Variants in SCLT1 observed in about 807,000 individuals in gnomAD.
SCLT1 encodes sodium channel-associated protein 1.
A neutral mutation model predicts 112.8 loss-of-function variants in SCLT1; 78 were observed. That is an observed-to-expected ratio of 0.69 (90% CI 0.58 to 0.83). SCLT1 has a LOEUF of 0.83. SCLT1 is among the 40% of genes least tolerant of loss of function. The pLI, the probability that SCLT1 is intolerant of heterozygous loss-of-function variation, is 0.00. For missense variants in SCLT1, 747 were observed against 770.4 expected, an observed-to-expected ratio of 0.97 and a Z score of 0.36; for synonymous variants, 257 against 254.7, an observed-to-expected ratio of 1.01 and a Z score of -0.09.
intron 18 of SCLT1, among the ~76,000 whole-genome samples, chr4:128,902,589 G>A (rs765778025): frequency 2.0e-5 from 3 of 152,152 alleles, no homozygotes; most frequent in Non-Finnish European, 4.4e-5. Flanking sequence ...AATGGAGCCT[G>A]CAGGACTGGA....
At position 128,877,676 on chromosome 4, in the gene SCLT1, G is replaced by A. The variant is rs560547219; in HGVS notation, n.226-1040C>T. 5.3e-5 allele frequency among the ~76,000 whole-genome samples: 8 copies of A among 151,120 alleles called. No homozygotes were observed. In the South Asian group the frequency reaches 1.5e-3, roughly 28 times the overall value. ...AGCCTGGGTGACAGAGTGAGACTCG[G>A]TCTCAAAAAAAAAAAAAGTTCACAC... is the stretch of plus-strand genomic sequence containing the variant. On this transcript the variant is annotated intron_variant and non_coding_transcript_variant, in intron 3 of 7. Coordinates refer to the SCLT1 transcript ENST00000503565.
intron 2 of SCLT1, among the ~76,000 whole-genome samples, chr4:129,076,313 G>A (rs1031745969): frequency 5.3e-5 from 8 of 152,184 alleles, no homozygotes; most frequent in South Asian, 2.1e-4. Context: ...TTTAGACTAT[G>A]ATGTTTTTCC....
At chr4:128,944,252 A>C (rs1018707631) in intron 16 of SCLT1, among the ~76,000 whole-genome samples, 1 of 152,164 alleles carries the variant, frequency 6.6e-6, no homozygotes, top group Non-Finnish European at 1.5e-5. Flanking sequence ...GTTCCTAATA[A>C]AATGACATAT....
intron 17 of SCLT1, 88 bp downstream of exon 17, chr4:128,942,908 G>A: frequency 1.1e-6 from 1 of 885,940 alleles, no homozygotes; most frequent in Non-Finnish European, 1.7e-6. Context: ...AAAAAAGGGG[G>A]CCTTAAAGAT....
chr4:128,967,827 T>C (rs1461453075), intron 10 of SCLT1, among the ~76,000 whole-genome samples: 2 of 152,236 alleles, frequency 1.3e-5, no homozygotes, highest in South Asian at 2.1e-4. Context: ...TAGTTTCCTT[T>C]GGTATGCAGA....
Position 129,047,219 on chromosome 4 carries a change from A to G in SCLT1, c.103-3168T>C, listed in dbSNP as rs200529223. Among the ~76,000 whole-genome samples, 15 of 152,170 alleles carry G rather than the reference A, an allele frequency of 9.9e-5. No homozygotes were observed. In the East Asian group the frequency reaches 2.9e-3, roughly 29 times the overall value. On this transcript the variant is annotated intron_variant, in intron 2 of 20. Coordinates refer to ENST00000281142, the MANE Select transcript of SCLT1 (RefSeq NM_144643.4). ...TATAAGCTCATAACTTCTTCCCTCA[A>G]GTTTTGTTCTAAAAGCTTTACCTTA...
At chr4:129,063,456 T>G (rs533257058) in intron 2 of SCLT1, among the ~76,000 whole-genome samples, 1 of 152,234 alleles carries the variant, frequency 6.6e-6, no homozygotes, top group African/African-American at 2.4e-5. Context: ...GTTTTTTTTG[T>G]GGGGGTAGTG....
chr4:128,919,839 A>G (rs1735746444), intron 18 of SCLT1, among the ~76,000 whole-genome samples: 1 of 152,146 alleles, frequency 6.6e-6, no homozygotes, highest in South Asian at 2.1e-4. Flanking sequence ...ACCTTCCAAT[A>G]TTGAACTAGG....
intron 2 of SCLT1, among the ~76,000 whole-genome samples, chr4:129,055,834 AAAAC>A (rs1553999342): frequency 1.2e-4 from 15 of 126,650 alleles, no homozygotes; most frequent in East Asian, 6.8e-4. Context: ...AAAAAAAACA[AAAAC>A]AAACAAACAA....
Position 128,995,523 on chromosome 4 carries a change from G to A in SCLT1, c.615+2351C>T, listed in dbSNP as rs147167484. The stretch of plus-strand genomic sequence containing the variant: ...CATTTTTCCTTGACTTTGTGCTCAC[G>A]TCCGTACATTAGAGAAAGCAGGCAC... On this transcript the variant is annotated intron_variant, in intron 8 of 20. Transcript: ENST00000281142. 6.6e-5 allele frequency among the ~76,000 whole-genome samples: 10 copies of A among 152,046 alleles called. No individual in the cohort carries two copies. The East Asian group carries it at 7.8e-4, about 12-fold the overall frequency.
At chr4:128,906,594 C>A (rs1734713975) in intron 18 of SCLT1, among the ~76,000 whole-genome samples, 1 of 152,140 alleles carries the variant, frequency 6.6e-6, no homozygotes, top group Non-Finnish European at 1.5e-5. Flanking sequence ...TATAAAGATC[C>A]TTCACAGGAA....
In SCLT1 at chr4:129,001,443, A is replaced by C. The variant is rs185168664; in HGVS notation, c.427-1649T>G. 5.0e-3 allele frequency among the ~76,000 whole-genome samples: 755 copies of C among 152,254 alleles called. 6 individuals carry two copies. The highest frequency in any genetic ancestry group is 0.02 in the Middle Eastern group (6 of 294). Reference sequence around the variant, plus strand: ...AATGGTACAACTTACTATTTGGACAAACTACAATTTAACTGATTCCATATT... The same window carrying C: ...AATGGTACAACTTACTATTTGGACACACTACAATTTAACTGATTCCATATT... On this transcript the variant is annotated intron_variant, in intron 6 of 20. Coordinates refer to ENST00000281142, the MANE Select transcript of SCLT1 (RefSeq NM_144643.4).
intron 18 of SCLT1, among the ~76,000 whole-genome samples, chr4:128,911,369 A>G (rs1393453478): frequency 6.6e-6 from 1 of 152,220 alleles, no homozygotes; most frequent in Non-Finnish European, 1.5e-5. Context: ...CTAATAAGTT[A>G]ACTAGTAAAA....
At chr4:129,060,540 T>C (rs889596028) in intron 2 of SCLT1, among the ~76,000 whole-genome samples, 1 of 152,170 alleles carries the variant, frequency 6.6e-6, no homozygotes, top group African/African-American at 2.4e-5. Context: ...CGTGGTAATT[T>C]TGTTTACAGA....
intron 5 of SCLT1, among the ~76,000 whole-genome samples, chr4:129,035,379 G>A (rs1158862582): frequency 6.6e-6 from 1 of 152,056 alleles, no homozygotes; most frequent in Non-Finnish European, 1.5e-5. Context: ...CATCTCACTG[G>A]CTAAAACTAG....
At chr4:128,888,650 T>G (rs757872627) in intron 20 of SCLT1, 29 bp downstream of exon 20, 2 of 1,330,522 alleles carry the variant, frequency 1.5e-6, no homozygotes, top group Non-Finnish European at 1.1e-6. Context: ...GAACTGTTTA[T>G]TATCTAGGGA....
intron 2 of SCLT1, among the ~76,000 whole-genome samples, chr4:129,053,760 G>A (rs1260096051): frequency 6.6e-6 from 1 of 151,680 alleles, no homozygotes; most frequent in Non-Finnish European, 1.5e-5. Context: ...TACGTTTAAG[G>A]TTAATATTGT....
chr4:129,032,107 C>G (rs1289774910), intron 5 of SCLT1, among the ~76,000 whole-genome samples: 1 of 152,048 alleles, frequency 6.6e-6, no homozygotes, highest in Non-Finnish European at 1.5e-5. Context: ...CTACAGTAAC[C>G]AAAACAGCAT....
At chr4:129,032,411 T>C (rs1746805957) in intron 5 of SCLT1, among the ~76,000 whole-genome samples, 1 of 152,050 alleles carries the variant, frequency 6.6e-6, no homozygotes, top group East Asian at 1.9e-4. Context: ...GGCAATACCA[T>C]TCAGGACAAA....
Sources: gnomAD v4.1 joint callset for allele counts (sites outside exome capture counted in the v4.1 genomes callset) on GRCh38, gnomAD v4.1.1 for gene constraint, MANE v1.5 for transcripts, NCBI Gene and HGNC (gene_info 2026-07-23, HGNC 2026-07-21) for gene names.